The following HMGCLL1 variants were observed in gnomAD, a reference collection of about 807,000 sequenced individuals.
HMGCLL1 encodes 3-hydroxymethyl-3-methylglutaryl-CoA lyase, cytoplasmic.
Under a neutral mutation model 39.1 loss-of-function variants are expected in HMGCLL1, and 36 were observed. The observed-to-expected ratio is 0.92, with a 90% confidence interval of 0.71 to 1.22. The LOEUF is 1.22. Among genes scored for constraint, HMGCLL1 ranks in the 50% most tolerant of loss-of-function variants. The pLI is 0.00. For missense variants in HMGCLL1, 451 were observed against 416.5 expected, an observed-to-expected ratio of 1.08 and a Z score of -0.72; for synonymous variants, 149 against 144.0, an observed-to-expected ratio of 1.03 and a Z score of -0.25.
intron 7 of HMGCLL1, among the ~76,000 whole-genome samples, chr6:55,477,106 G>A (rs1326632633): frequency 1.2e-5 from 1 of 83,580 alleles, no homozygotes; most frequent in African/African-American, 4.4e-5. Flanking sequence ...CCAGAACTTA[G>A]AGTATTTTAT....
chr6:55,557,961 G>A (rs1179654553), intron 1 of HMGCLL1, among the ~76,000 whole-genome samples: 3 of 152,114 alleles, frequency 2.0e-5, no homozygotes, highest in African/African-American at 4.8e-5. Context: ...TTAGGTTTAG[G>A]TCTGTCAAAA....
chr6:55,516,724 TA>T (rs71693355), intron 3 of HMGCLL1, 121 bp from the exon 4 acceptor site: 6,207 of 509,466 alleles, frequency 0.012, 234 homozygotes, highest in African/African-American at 0.094. Flanking sequence ...ATATCTGAAA[TA>T]AAAAAAAATG....
intron 3 of HMGCLL1, among the ~76,000 whole-genome samples, chr6:55,521,264 C>T (rs1196582883): frequency 1.3e-5 from 2 of 152,106 alleles, no homozygotes; most frequent in Admixed American, 1.3e-4. Context: ...CAAGATAATG[C>T]ATATGAGAAT....
chr6:55,522,535 T>A (rs7760065), intron 3 of HMGCLL1, among the ~76,000 whole-genome samples: 103,252 of 151,730 alleles, frequency 0.68, 35,189 homozygotes, highest in Admixed American at 0.72. Context: ...TTCCTATTCA[T>A]TTTTTGACAA....
intron 4 of HMGCLL1, 46 bp downstream of exon 4, chr6:55,516,462 A>G: frequency 8.2e-7 from 1 of 1,226,690 alleles, no homozygotes; most frequent in Non-Finnish European, 1.2e-6. Context: ...TATCTTTAAA[A>G]CGATAAGAGG....
At chr6:55,639,025 G>C in the HMGCLL1 span, among the ~76,000 whole-genome samples, 11 of 151,938 alleles carry the variant, frequency 7.2e-5, no homozygotes, top group Admixed American at 7.2e-4. Flanking sequence ...TAATTATTTA[G>C]TTACTATGGT....
At chr6:55,629,968 G>A in the HMGCLL1 span, among the ~76,000 whole-genome samples, 1 of 152,172 alleles carries the variant, frequency 6.6e-6, no homozygotes, top group Non-Finnish European at 1.5e-5. Flanking sequence ...AGTGTGGAAG[G>A]AAATGTGGGT....
intron 8 of HMGCLL1, among the ~76,000 whole-genome samples, chr6:55,437,705 G>A (rs557254429): frequency 1.3e-5 from 2 of 152,138 alleles, no homozygotes; most frequent in South Asian, 4.1e-4. Context: ...AGCAGACGTA[G>A]AGCCTATTCA....
chr6:55,589,579 G>T, the HMGCLL1 span, among the ~76,000 whole-genome samples: 1 of 152,208 alleles, frequency 6.6e-6, no homozygotes, highest in Middle Eastern at 3.4e-3. Flanking sequence ...AGGAAATAAA[G>T]GGTATTCAAT....
the HMGCLL1 span, among the ~76,000 whole-genome samples, chr6:55,667,134 A>C: frequency 3.3e-5 from 5 of 151,712 alleles, no homozygotes; most frequent in African/African-American, 1.2e-4. Flanking sequence ...CACCACATAC[A>C]AGAAGGTGGA....
At chr6:55,675,843 C>T in the HMGCLL1 span, among the ~76,000 whole-genome samples, 3 of 151,896 alleles carry the variant, frequency 2.0e-5, no homozygotes, top group African/African-American at 7.3e-5. Context: ...TTAATTACAT[C>T]GTTCTTTGTG....
At chr6:55,529,431 G>T (rs978108650) in intron 3 of HMGCLL1, among the ~76,000 whole-genome samples, 1 of 151,950 alleles carries the variant, frequency 6.6e-6, no homozygotes, top group Non-Finnish European at 1.5e-5. Context: ...GGTAGGCCTG[G>T]GTTGTTGGAA....
chr6:55,576,528 T>C (rs1267004174), intron 1 of HMGCLL1, among the ~76,000 whole-genome samples: 1 of 152,200 alleles, frequency 6.6e-6, no homozygotes, highest in African/African-American at 2.4e-5. Flanking sequence ...AGCATTATTT[T>C]ATTTGAAATA....
intron 3 of HMGCLL1, among the ~76,000 whole-genome samples, chr6:55,519,967 T>C (rs562196490): frequency 9.1e-4 from 138 of 151,794 alleles, no homozygotes; most frequent in Non-Finnish European, 1.7e-3. Context: ...CAAACAATAA[T>C]TTTTTTAAAT....
In HMGCLL1 at chr6:55,541,788, G is replaced by A; in HGVS notation, c.238C>T (p.Gln80Ter). 6.2e-7 allele frequency: 1 copy of A among 1,609,902 alleles called. No homozygotes were observed. The highest frequency in any genetic ancestry group is 8.5e-7 in the Non-Finnish European group (1 of 1,177,644). The change falls in exon 3 of 9, where the codon CAA (glutamine) becomes TAA (stop). Residue 80 changes from glutamine to a stop codon, truncating the protein, a stop_gained. Coordinates refer to ENST00000274901, the MANE Select transcript of HMGCLL1 (RefSeq NM_001042406.2). LOFTEE classifies it high-confidence loss of function. ...IKIEFINRLS[Q>*]TGLSVIEVTS... The stretch of plus-strand genomic sequence containing the variant: ...ACTTCTATTACAGACAAGCCAGTTT[G>A]GGAAAGTCGATTGATAAATTCAATT...
the HMGCLL1 span, among the ~76,000 whole-genome samples, chr6:55,619,168 C>T: frequency 6.6e-6 from 1 of 151,884 alleles, no homozygotes; most frequent in South Asian, 2.1e-4. Flanking sequence ...GGTAGGCTAT[C>T]AGATGGATGA....
intron 3 of HMGCLL1, among the ~76,000 whole-genome samples, chr6:55,520,904 G>T (rs896691179): frequency 6.6e-6 from 1 of 151,574 alleles, no homozygotes; most frequent in Admixed American, 6.6e-5. Flanking sequence ...GCCTACCATG[G>T]TTAAGAATTG....
chr6:55,461,967 T>C (rs1764585550), intron 7 of HMGCLL1, among the ~76,000 whole-genome samples: 1 of 152,130 alleles, frequency 6.6e-6, no homozygotes, highest in Non-Finnish European at 1.5e-5. Context: ...AATATGGCAG[T>C]AGGGTCATAT....
At chr6:55,495,669 G>T (rs1766540503) in intron 6 of HMGCLL1, 62 bp from the exon 7 acceptor site, 2 of 1,236,944 alleles carry the variant, frequency 1.6e-6, no homozygotes, top group Non-Finnish European at 2.2e-6. Context: ...ACCCTCTTGT[G>T]CCACAACTAA....
Sources: gnomAD v4.1 joint callset for allele counts (sites outside exome capture counted in the v4.1 genomes callset) on GRCh38, gnomAD v4.1.1 for gene constraint, MANE v1.5 for transcripts, NCBI Gene and HGNC (gene_info 2026-07-23, HGNC 2026-07-21) for gene names.